The following EML6 variants were observed in gnomAD, a reference collection of about 807,000 sequenced individuals.
The protein encoded by EML6 is EMAP like 6, also known as echinoderm microtubule-associated protein-like 6.
Under a neutral mutation model 240.1 loss-of-function variants are expected in EML6, and 154 were observed. The ratio of observed to expected loss-of-function variants is 0.64; its 90% confidence interval spans 0.56 to 0.73. The LOEUF is 0.73. Ranked by LOEUF, EML6 falls within the 30% of genes least tolerant of loss-of-function variation. The pLI is 0.00. For missense variants in EML6, 2,964 were observed against 2,474.6 expected, an observed-to-expected ratio of 1.20 and a Z score of -4.20; for synonymous variants, 1,148 against 899.0, an observed-to-expected ratio of 1.28 and a Z score of -4.95.
At chr2:54,793,734 G>T (rs1157621838) in intron 2 of EML6, among the ~76,000 whole-genome samples, 1 of 152,128 alleles carries the variant, frequency 6.6e-6, no homozygotes, top group African/African-American at 2.4e-5. Flanking sequence ...CATAAGTGTT[G>T]TGGACTTCCA....
In EML6 at chr2:54,971,182, G is replaced by A. The variant is rs1348762483; in HGVS notation, c.*1087G>A. The A allele has an allele frequency of 6.6e-6, 1 of 152,226 alleles. No homozygotes were observed. Among genetic ancestry groups the A allele is most frequent in the Non-Finnish European group, 1.5e-5 (1 of 68,042 alleles). The allele number at this position is 152,226 out of a possible 1,614,324, so 9.4% of individuals were successfully genotyped here. A position where few individuals can be genotyped will look rare whatever the true frequency, so the allele number is the denominator to read the frequency against. ...CCAGATTATAAAAAAATTATCTGCA[G>A]AACAAATTGTAAACCCAAGGAATAG... On this transcript the variant is annotated 3_prime_UTR_variant, in exon 42 of 42. Coordinates refer to ENST00000356458, the MANE Select transcript of EML6 (RefSeq NM_001039753.4).
intron 2 of EML6, among the ~76,000 whole-genome samples, chr2:54,770,996 G>A (rs1558536804): frequency 6.6e-6 from 1 of 152,162 alleles, no homozygotes; most frequent in Non-Finnish European, 1.5e-5. Context: ...TTAATGTGGG[G>A]TGGGGAAGTG....
chr2:54,733,535 T>G (rs151072058), intron 2 of EML6, among the ~76,000 whole-genome samples: 1 of 152,282 alleles, frequency 6.6e-6, no homozygotes, highest in African/African-American at 2.4e-5. Context: ...CTCTAATTAT[T>G]TCTCTTGGAA....
intron 2 of EML6, among the ~76,000 whole-genome samples, chr2:54,738,901 G>A (rs965621608): frequency 1.3e-5 from 2 of 152,126 alleles, no homozygotes; most frequent in African/African-American, 2.4e-5. Flanking sequence ...GTTAGGTCAC[G>A]GGGTGCACAT....
rs899621590 is a variant in EML6 at position 54,774,175 on chromosome 2, T to C, written c.198-39057T>C. ...GAAATGTCTTTATTCTTGGCATTTA[T>C]TTCTGTAAAAGAAGAGGAGTGATTA... On this transcript the variant is annotated intron_variant, in intron 2 of 41. Transcript: ENST00000356458. This position sits in a 1 kb window ranked among gnomAD's most constrained non-coding sequence, Gnocchi z 4.1. 3.3e-5 allele frequency among the ~76,000 whole-genome samples: 5 copies of C among 152,184 alleles called. No homozygotes were observed. The highest frequency in any genetic ancestry group is 1.5e-5 in the Non-Finnish European group (1 of 68,022).
rs1673169682 is a variant in EML6 at position 54,903,577 on chromosome 2, G to C, written c.3409+75G>C. ...TCCATTTATGCATTGTTTCTAGAGA[G>C]AATGGCAGTTGAGTGTTAGAAATGG... On this transcript the variant is annotated intron_variant, in intron 24 of 41. Coordinates refer to ENST00000356458, the MANE Select transcript of EML6 (RefSeq NM_001039753.4). 54 of 1,126,592 alleles carry C rather than the reference G, an allele frequency of 4.8e-5. 1 individual carries two copies. The South Asian group carries it at 8.0e-4, about 17-fold the overall frequency. The allele number at this position is 1,126,592 out of a possible 1,614,324, so 69.8% of individuals were successfully genotyped here.
chr2:54,883,227 T>G (rs1192859518), intron 17 of EML6, among the ~76,000 whole-genome samples: 1 of 152,216 alleles, frequency 6.6e-6, no homozygotes, highest in East Asian at 1.9e-4. Context: ...TTCTAGTATT[T>G]GTATTCATTT....
At chr2:54,922,312 C>G (rs1044060642) in intron 26 of EML6, among the ~76,000 whole-genome samples, 2 of 152,144 alleles carry the variant, frequency 1.3e-5, no homozygotes, top group Admixed American at 6.5e-5. Flanking sequence ...AGATGTTCAA[C>G]ATCACTTTTT....
intron 16 of EML6, among the ~76,000 whole-genome samples, chr2:54,873,065 C>T (rs189167206): frequency 4.3e-4 from 66 of 152,306 alleles, no homozygotes; most frequent in Non-Finnish European, 4.1e-4. Flanking sequence ...AAGTGAATGA[C>T]TAAATGAACA....
intron 29 of EML6, among the ~76,000 whole-genome samples, 170 bp downstream of exon 29, chr2:54,949,130 C>T (rs2104478530): frequency 6.6e-6 from 1 of 152,196 alleles, no homozygotes; most frequent in Middle Eastern, 3.4e-3. Flanking sequence ...ATCCCAGGGA[C>T]CAGAGTCGCA....
chr2:54,888,122 G>A (rs1412195281), intron 17 of EML6, among the ~76,000 whole-genome samples: 1 of 152,216 alleles, frequency 6.6e-6, no homozygotes. Flanking sequence ...CGGGCAAGGA[G>A]ACAGGAGGCA....
intron 28 of EML6, among the ~76,000 whole-genome samples, chr2:54,945,774 T>A (rs987408018): frequency 6.6e-6 from 1 of 152,220 alleles, no homozygotes; most frequent in Admixed American, 6.5e-5. Flanking sequence ...GCCTTGCGGG[T>A]CTGTGCAGGG....
chr2:54,862,438 G>T (rs1334738407), intron 12 of EML6, among the ~76,000 whole-genome samples: 1 of 146,812 alleles, frequency 6.8e-6, no homozygotes, highest in East Asian at 2.0e-4. Flanking sequence ...AGATTAAGCA[G>T]AAGAAAGGAA....
At chr2:54,959,499 C>T (rs891366860) in intron 34 of EML6, among the ~76,000 whole-genome samples, 5 of 152,284 alleles carry the variant, frequency 3.3e-5, no homozygotes, top group African/African-American at 1.2e-4. Flanking sequence ...TGGTGGTTCA[C>T]GCCTGTAATC....
intron 32 of EML6, 95 bp downstream of exon 32, chr2:54,954,251 T>A: frequency 8.9e-7 from 1 of 1,126,964 alleles, no homozygotes; most frequent in Non-Finnish European, 1.2e-6. Flanking sequence ...CTCCGAAGCC[T>A]GCCGTAGGCA....
intron 26 of EML6, among the ~76,000 whole-genome samples, chr2:54,926,432 A>G (rs955870428): frequency 6.6e-6 from 1 of 152,216 alleles, no homozygotes. Context: ...GCTATCATCC[A>G]TTATTTCATC....
intron 2 of EML6, among the ~76,000 whole-genome samples, chr2:54,796,730 C>T (rs145407012): frequency 1.0e-3 from 154 of 152,136 alleles, no homozygotes; most frequent in African/African-American, 3.6e-3. Context: ...CTACAAAGCG[C>T]CTACTTGGGA....
At chr2:54,934,897 AG>A (rs1181774551) in intron 28 of EML6, among the ~76,000 whole-genome samples, 1 of 152,212 alleles carries the variant, frequency 6.6e-6, no homozygotes, top group African/African-American at 2.4e-5. Flanking sequence ...TGAATTCTCA[AG>A]GGAAAGATAT....
In EML6 at chr2:54,923,056, C is replaced by G. The variant is rs557719224; in HGVS notation, c.3676-5257C>G. On this transcript the variant is annotated intron_variant, in intron 26 of 41. Transcript: ENST00000356458. ...TCCCGGGTTCAACCGATTCTCCTGCCTCAGCCCCCTGAGTAGCTGAGATTA... is the reference window on the plus strand; with the variant it reads ...TCCCGGGTTCAACCGATTCTCCTGCGTCAGCCCCCTGAGTAGCTGAGATTA... 4.6e-5 allele frequency among the ~76,000 whole-genome samples: 7 copies of G among 151,398 alleles called. No homozygotes were observed. In the South Asian group the frequency reaches 1.5e-3, roughly 32 times the overall value.
Sources: allele counts gnomAD v4.1 joint callset (sites outside exome capture counted in the v4.1 genomes callset), GRCh38; gene constraint gnomAD v4.1.1; non-coding constraint Gnocchi (gnomAD v3.1); transcripts MANE v1.5; gene names NCBI Gene and HGNC (gene_info 2026-07-23, HGNC 2026-07-21).